The following ZBTB16 variants were observed in gnomAD, a reference collection of about 807,000 sequenced individuals.
ZBTB16 encodes the protein zinc finger and BTB domain-containing protein 16.
In ZBTB16, 8 loss-of-function variants were observed where a neutral mutation model predicts 56.8. The observed-to-expected ratio is 0.14, with a 90% CI of 0.08 to 0.25. ZBTB16 has a LOEUF of 0.25. Ranked by LOEUF, ZBTB16 falls within the 10% of genes least tolerant of loss-of-function variation. ZBTB16 has a pLI of 1.00. For missense variants in ZBTB16, 625 were observed against 903.0 expected, an observed-to-expected ratio of 0.69 and a Z score of 3.95; for synonymous variants, 363 against 368.5, an observed-to-expected ratio of 0.98 and a Z score of 0.17.
chr11:114,218,210 A>G (rs576107780), intron 4 of ZBTB16, among the ~76,000 whole-genome samples: 4 of 152,036 alleles, frequency 2.6e-5, no homozygotes, highest in African/African-American at 9.7e-5. Flanking sequence ...TGGAAGTCCA[A>G]CCCAGGTGAA....
At chr11:114,137,270 G>A (rs7925369) in intron 2 of ZBTB16, among the ~76,000 whole-genome samples, 26,965 of 152,034 alleles carry the variant, frequency 0.18, 2,905 homozygotes, top group African/African-American at 0.27. Flanking sequence ...CTTCATTGTC[G>A]TGATTAAGGT....
chr11:114,225,516 A>G (rs1346047689), intron 4 of ZBTB16, among the ~76,000 whole-genome samples: 1 of 152,198 alleles, frequency 6.6e-6, no homozygotes, highest in East Asian at 1.9e-4. Flanking sequence ...GCACCACTCC[A>G]TGGTGGAAGG....
chr11:114,221,181 A>G (rs441434), intron 4 of ZBTB16, among the ~76,000 whole-genome samples: 25,129 of 152,130 alleles, frequency 0.17, 2,322 homozygotes, highest in Admixed American at 0.28. Context: ...AGAGCCAAGC[A>G]GCAATATCAC....
At chr11:114,233,073 G>GCGCA (rs1555159467) in intron 4 of ZBTB16, among the ~76,000 whole-genome samples, 1 of 74,556 alleles carries the variant, frequency 1.3e-5, no homozygotes, top group African/African-American at 5.4e-5. Context: ...GCATGCGCGC[G>GCGCA]CGCGCGCGCA....
At chr11:114,080,554 A>C (rs1200342143) in intron 2 of ZBTB16, among the ~76,000 whole-genome samples, 1 of 152,228 alleles carries the variant, frequency 6.6e-6, no homozygotes, top group Admixed American at 6.5e-5. Context: ...GACATAAATA[A>C]AAGCAAAATG....
At position 114,173,244 on chromosome 11, in the gene ZBTB16, A is replaced by G. The variant is rs531178063; in HGVS notation, c.1367-13708A>G. 3.9e-5 allele frequency among the ~76,000 whole-genome samples: 6 copies of G among 152,348 alleles called. No homozygotes were observed. The South Asian group carries it at 8.3e-4, about 21-fold the overall frequency. On this transcript the variant is annotated intron_variant, in intron 3 of 6. Coordinates refer to ENST00000335953, the MANE Select transcript of ZBTB16 (RefSeq NM_006006.6). ...TTAAGCTGAATGGGTGTTGGGGAGT[A>G]TTATTAGGCTGAGAAGGGCTAAAAA...
intron 2 of ZBTB16, among the ~76,000 whole-genome samples, chr11:114,134,813 G>A (rs1941756470): frequency 6.6e-6 from 1 of 152,222 alleles, no homozygotes; most frequent in Admixed American, 6.5e-5. Flanking sequence ...ACCAGAGAGA[G>A]AAGCAAGAGA....
Position 114,256,673 on chromosome 11 carries a change from G to T in ZBTB16, c.*6118G>T, listed in dbSNP as rs1006411934. On this transcript the variant is annotated 3_prime_UTR_variant, in exon 7 of 7. Transcript: ENST00000335953. ...CCAAGAGCTGTTAAGAAAGGAGATT[G>T]GAGCAGGTGGCCTTGTGCAGGGGAG... Among the ~76,000 whole-genome samples the T allele has an allele frequency of 4.6e-5, 7 of 152,182 alleles. No homozygotes were observed. The highest frequency in any genetic ancestry group is 1.7e-4 in the African/African-American group (7 of 41,450).
intron 2 of ZBTB16, among the ~76,000 whole-genome samples, chr11:114,124,544 CAAAAAAAAAAACCA>C (rs1365764853): frequency 1.9e-5 from 1 of 53,294 alleles, no homozygotes; most frequent in African/African-American, 7.1e-5. Context: ...AAAAACAAAA[CAAAAAAAAAAACCA>C]AAAAAAAAAA....
chr11:114,248,572 A>C (rs999041044), intron 6 of ZBTB16, among the ~76,000 whole-genome samples: 6 of 152,286 alleles, frequency 3.9e-5, no homozygotes, highest in African/African-American at 1.2e-4. Context: ...TGATCAGGGG[A>C]GACAGCTGTC....
intron 5 of ZBTB16, 151 bp downstream of exon 5, chr11:114,242,488 G>A: frequency 8.6e-7 from 1 of 1,162,906 alleles, no homozygotes; most frequent in Non-Finnish European, 1.2e-6. Flanking sequence ...CGTCGTGCAG[G>A]TAAATGTGGA....
intron 2 of ZBTB16, among the ~76,000 whole-genome samples, chr11:114,083,678 C>T (rs1328516534): frequency 1.3e-5 from 2 of 152,170 alleles, no homozygotes; most frequent in Non-Finnish European, 2.9e-5. Context: ...CGGAGGCTCT[C>T]CCGTGTTCTG....
At chr11:114,180,296 T>C (rs138183318) in intron 3 of ZBTB16, among the ~76,000 whole-genome samples, 4,400 of 152,224 alleles carry the variant, frequency 0.029, 111 homozygotes, top group African/African-American at 0.066. Flanking sequence ...GGGAGACTGG[T>C]AGGGGCAAGG....
chr11:114,166,564 C>T (rs1942763833), intron 3 of ZBTB16, among the ~76,000 whole-genome samples: 1 of 152,128 alleles, frequency 6.6e-6, no homozygotes, highest in Non-Finnish European at 1.5e-5. Flanking sequence ...CTGTAATGGG[C>T]CCGCACAGAC....
intron 2 of ZBTB16, among the ~76,000 whole-genome samples, chr11:114,065,929 CAG>C (rs753327850): frequency 3.7e-4 from 57 of 152,168 alleles, no homozygotes; most frequent in Non-Finnish European, 6.0e-4. Context: ...GAGTAAATAA[CAG>C]GGGGGATAAG....
At chr11:114,230,640 G>GGA (rs1944424649) in intron 4 of ZBTB16, among the ~76,000 whole-genome samples, 1 of 122,222 alleles carries the variant, frequency 8.2e-6, no homozygotes, top group Non-Finnish European at 1.7e-5. Flanking sequence ...GTGGGGGGGG[G>GGA]GCGGGAAGGA....
At position 114,095,655 on chromosome 11, in the gene ZBTB16, C is replaced by A. The variant is rs556950482; in HGVS notation, c.1268+31087C>A. Among the ~76,000 whole-genome samples, 5 of 152,256 alleles carry A rather than the reference C, an allele frequency of 3.3e-5. No homozygotes were observed. In the East Asian group the frequency reaches 9.7e-4, roughly 29 times the overall value. Reference sequence around the variant, plus strand: ...TGCAAGAAGACCTTCTTCACTCGCCCACTTTCTCATACTTTTAGTCACCAA... The same window carrying A: ...TGCAAGAAGACCTTCTTCACTCGCCAACTTTCTCATACTTTTAGTCACCAA... On this transcript the variant is annotated intron_variant, in intron 2 of 6. Transcript: ENST00000335953.
At chr11:114,065,790 T>C (rs144107035) in intron 2 of ZBTB16, among the ~76,000 whole-genome samples, 4 of 152,324 alleles carry the variant, frequency 2.6e-5, no homozygotes, top group African/African-American at 4.8e-5. Context: ...ACATAGATAG[T>C]AAGAGGCAGA....
intron 2 of ZBTB16, among the ~76,000 whole-genome samples, chr11:114,114,631 G>A (rs1941115500): frequency 6.6e-6 from 1 of 151,818 alleles, no homozygotes; most frequent in African/African-American, 2.4e-5. Flanking sequence ...TTCTAGCTCT[G>A]AGTTGATTTG....
Sources: allele counts gnomAD v4.1 joint callset (sites outside exome capture counted in the v4.1 genomes callset), GRCh38; gene constraint gnomAD v4.1.1; transcripts MANE v1.5; gene names NCBI Gene and HGNC (gene_info 2026-07-23, HGNC 2026-07-21).